The following CHCHD6 variants were observed in gnomAD, a reference collection of about 807,000 sequenced individuals.
CHCHD6 encodes the protein MICOS complex subunit MIC25.
In CHCHD6, 28 loss-of-function variants were observed where a neutral mutation model predicts 32.3. That is an observed-to-expected ratio of 0.87 (90% CI 0.64 to 1.19). The LOEUF is 1.19. CHCHD6 is among the 50% of genes most tolerant of loss of function. The pLI is 0.00. For synonymous variants in CHCHD6, 122 were observed against 117.5 expected, an observed-to-expected ratio of 1.04 and a Z score of -0.25; for missense variants, 333 against 307.0, an observed-to-expected ratio of 1.08 and a Z score of -0.63.
intron 4 of CHCHD6, among the ~76,000 whole-genome samples, chr3:126,809,800 A>AT (rs968088797): frequency 1.3e-5 from 2 of 152,024 alleles, no homozygotes; most frequent in African/African-American, 4.8e-5. Flanking sequence ...TGGTTTCATC[A>AT]TTTTTCCACC....
intron 7 of CHCHD6, 179 bp downstream of exon 7, chr3:126,957,730 C>T: frequency 1.3e-6 from 1 of 754,824 alleles, no homozygotes; most frequent in East Asian, 2.7e-5. Flanking sequence ...GCACACTCTC[C>T]TGGCTGCTTC....
At chr3:126,955,564 A>T (rs537647107) in intron 6 of CHCHD6, among the ~76,000 whole-genome samples, 90 of 152,306 alleles carry the variant, frequency 5.9e-4, no homozygotes, top group Middle Eastern at 3.4e-3. Flanking sequence ...CTCCCTTCAC[A>T]TCCTTTACCT....
chr3:126,733,146 C>T lies in CHCHD6; in HGVS notation c.335C>T (p.Ala112Val), dbSNP rs1935886029. The change falls in exon 4 of 8, where the codon GCC becomes GTC. Residue 112 changes from alanine to valine, a missense_variant. Physicochemically the swap from Ala to Val is moderately conservative, Grantham distance 64. Transcript: ENST00000290913. ...GTGGCAAAGAGGGAAAGAGAGGCTG[C>T]CACCAAGCACTCCAAGGCATCCCTG... is the stretch of plus-strand genomic sequence containing the variant. ...FQVAKREREA[A>V]TKHSKASLPT... 1 of 1,614,156 alleles carries T rather than the reference C, an allele frequency of 6.2e-7. No homozygotes were observed. The highest frequency in any genetic ancestry group is 2.2e-5 in the East Asian group (1 of 44,878).
intron 6 of CHCHD6, among the ~76,000 whole-genome samples, chr3:126,943,370 A>G (rs987661774): frequency 6.6e-6 from 1 of 152,184 alleles, no homozygotes; most frequent in Admixed American, 6.5e-5. Context: ...TCACCTCTGC[A>G]TGGCTGTGGG....
At position 126,862,426 on chromosome 3, in the gene CHCHD6, ACCT is replaced by A. The variant is rs1427592546; in HGVS notation, c.495+9708_495+9710del. ...CACCACCTCCTCCTCCACCATCACC[ACCT>A]CCTCCTCCTCCACCATCACCACCTC... On this transcript the variant is annotated intron_variant, in intron 5 of 7. Coordinates refer to ENST00000290913, the MANE Select transcript of CHCHD6 (RefSeq NM_032343.3). Among the ~76,000 whole-genome samples, 659 of 85,948 alleles carry A rather than the reference ACCT, an allele frequency of 7.7e-3. 7 individuals are homozygous for A. Among genetic ancestry groups the A allele is most frequent in the Non-Finnish European group, 0.01 (429 of 42,602 alleles). 56.4% of individuals were successfully genotyped at this position (85,948 alleles called of 152,430 possible).
chr3:126,881,236 T>G (rs188968230), intron 5 of CHCHD6, among the ~76,000 whole-genome samples: 4 of 152,336 alleles, frequency 2.6e-5, no homozygotes, highest in Admixed American at 2.0e-4. Flanking sequence ...CAAAATACAA[T>G]GGGTAGAGCC....
At chr3:126,708,534 A>G (rs1438686583) in intron 1 of CHCHD6, among the ~76,000 whole-genome samples, 1 of 151,780 alleles carries the variant, frequency 6.6e-6, no homozygotes, top group Non-Finnish European at 1.5e-5. Context: ...AAAAACCAAC[A>G]GTTGTAAGCC....
At chr3:126,779,203 C>T (rs1027856561) in intron 4 of CHCHD6, among the ~76,000 whole-genome samples, 2 of 152,052 alleles carry the variant, frequency 1.3e-5, no homozygotes, top group Non-Finnish European at 2.9e-5. Context: ...TTTTGCCTAA[C>T]CCAAGGTCCT....
chr3:126,927,094 A>G (rs900845717), intron 6 of CHCHD6, among the ~76,000 whole-genome samples: 1 of 152,154 alleles, frequency 6.6e-6, no homozygotes, highest in African/African-American at 2.4e-5. Context: ...TTCAAGCAGA[A>G]CTGAGCTGGG....
At chr3:126,940,969 T>C (rs937427114) in intron 6 of CHCHD6, among the ~76,000 whole-genome samples, 2 of 152,214 alleles carry the variant, frequency 1.3e-5, no homozygotes, top group Non-Finnish European at 2.9e-5. Context: ...TGTGACTGTT[T>C]TCTAGTTAAT....
intron 6 of CHCHD6, chr3:126,949,556 CGCCGTGG>C (rs2078686745): frequency 5.8e-6 from 1 of 171,734 alleles, no homozygotes; most frequent in Non-Finnish European, 1.2e-5. Context: ...CCCGGACTGC[CGCCGTGG>C]ACGGAAGGGA....
intron 6 of CHCHD6, among the ~76,000 whole-genome samples, chr3:126,940,484 T>C (rs531783506): frequency 6.6e-6 from 1 of 152,348 alleles, no homozygotes; most frequent in South Asian, 2.1e-4. Flanking sequence ...CTACGTTTTA[T>C]CAATATAATC....
chr3:126,828,569 G>A (rs1437319466), intron 4 of CHCHD6, among the ~76,000 whole-genome samples: 1 of 152,238 alleles, frequency 6.6e-6, no homozygotes, highest in African/African-American at 2.4e-5. Context: ...GGCCCGTCCT[G>A]TCGGATGGGA....
chr3:126,903,087 G>A (rs541635597), intron 5 of CHCHD6, among the ~76,000 whole-genome samples: 6 of 152,322 alleles, frequency 3.9e-5, no homozygotes, highest in African/African-American at 1.2e-4. Flanking sequence ...GGGAACTGGG[G>A]CCTGCTCTCA....
chr3:126,765,445 A>G (rs2107674332), intron 4 of CHCHD6, among the ~76,000 whole-genome samples: 1 of 152,348 alleles, frequency 6.6e-6, no homozygotes, highest in East Asian at 1.9e-4. Flanking sequence ...AAGGAAGGAC[A>G]TTCTTTGGTA....
At chr3:126,806,055 A>G (rs1411525784) in intron 4 of CHCHD6, among the ~76,000 whole-genome samples, 3 of 152,256 alleles carry the variant, frequency 2.0e-5, no homozygotes, top group Admixed American at 2.0e-4. Flanking sequence ...TTAATTCAAG[A>G]TGGATTAAAG....
At chr3:126,841,549 C>T (rs1455649647) in intron 4 of CHCHD6, among the ~76,000 whole-genome samples, 2 of 152,044 alleles carry the variant, frequency 1.3e-5, no homozygotes, top group East Asian at 1.9e-4. Flanking sequence ...AGAGTTTTGA[C>T]GATCTCACTA....
At chr3:126,942,904 A>G (rs114138889) in intron 6 of CHCHD6, among the ~76,000 whole-genome samples, 1,668 of 152,250 alleles carry the variant, frequency 0.011, 10 homozygotes, top group Non-Finnish European at 0.017. Flanking sequence ...GAGGACTGCC[A>G]TCTGTGTGTG....
At chr3:126,718,058 G>A (rs2107653030) in intron 1 of CHCHD6, among the ~76,000 whole-genome samples, 1 of 152,270 alleles carries the variant, frequency 6.6e-6, no homozygotes, top group South Asian at 2.1e-4. Flanking sequence ...GTGAGGGCAG[G>A]TTCAGGTTTG....
Sources: gnomAD v4.1 joint callset for allele counts (sites outside exome capture counted in the v4.1 genomes callset) on GRCh38, gnomAD v4.1.1 for gene constraint, MANE v1.5 for transcripts, NCBI Gene and HGNC (gene_info 2026-07-23, HGNC 2026-07-21) for gene names.